Variants in LIMD1 observed in about 807,000 individuals in gnomAD.
LIMD1 encodes LIM domain containing 1.
In LIMD1, 23 loss-of-function variants were observed where a neutral mutation model predicts 58.4. The ratio of observed to expected loss-of-function variants is 0.39; its 90% confidence interval spans 0.28 to 0.56. The LOEUF (loss-of-function observed/expected upper bound fraction) is 0.56, where lower values mean the gene tolerates loss of function less well. Ranked by LOEUF, LIMD1 falls within the 20% of genes least tolerant of loss-of-function variation. The pLI is 0.57. For missense variants in LIMD1, 838 were observed against 855.5 expected (o/e 0.98, Z 0.25); for synonymous variants, 334 against 345.5 (o/e 0.97, Z 0.37).
chr3:45,678,478 T>G lies in LIMD1; in HGVS notation c.*1419T>G, dbSNP rs910583910. ...GAGGGAGGGCCACACACTGGCAAGATTTCAAGACCACTCTCTGCACTGAAG... is the reference window on the plus strand; with the variant it reads ...GAGGGAGGGCCACACACTGGCAAGAGTTCAAGACCACTCTCTGCACTGAAG... On this transcript the variant is annotated 3_prime_UTR_variant, in exon 8 of 8. Transcript: ENST00000273317. 2.6e-5 allele frequency: 4 copies of G among 152,406 alleles called. No homozygotes were observed. The highest frequency in any genetic ancestry group is 5.9e-5 in the Non-Finnish European group (4 of 68,094). The allele number at this position is 152,406 out of a possible 1,614,324, so 9.4% of individuals were successfully genotyped here.
chr3:45,601,647 C>A (rs1196070987), intron 1 of LIMD1, among the ~76,000 whole-genome samples: 1 of 152,190 alleles, frequency 6.6e-6, no homozygotes, highest in Non-Finnish European at 1.5e-5. Flanking sequence ...TGGCATTTAA[C>A]CTGCACACTT....
chr3:45,612,070 G>GCTCTCT (rs112847908), intron 1 of LIMD1, among the ~76,000 whole-genome samples: 4,402 of 144,848 alleles, frequency 0.03, 196 homozygotes, highest in African/African-American at 0.096. Flanking sequence ...GCAGGTGCGC[G>GCTCTCT]CTCTCTCTCT....
At chr3:45,599,169 T>C (rs1701385857) in intron 1 of LIMD1, among the ~76,000 whole-genome samples, 1 of 152,040 alleles carries the variant, frequency 6.6e-6, no homozygotes, top group African/African-American at 2.4e-5. Flanking sequence ...TGAGATGAAA[T>C]TCACATAATG....
At chr3:45,607,826 A>G (rs2624673) in intron 1 of LIMD1, among the ~76,000 whole-genome samples, 92,892 of 152,050 alleles carry the variant, frequency 0.61, 28,761 homozygotes, top group Non-Finnish European at 0.67. Context: ...CAATAACAGC[A>G]GCTTCCCTGT....
chr3:45,631,741 G>A (rs1279146516), intron 1 of LIMD1, among the ~76,000 whole-genome samples: 1 of 152,178 alleles, frequency 6.6e-6, no homozygotes, highest in African/African-American at 2.4e-5. Context: ...GAAGTCCAGT[G>A]GGGCACTGGC....
In LIMD1 at chr3:45,683,654, C is replaced by T. The variant is rs911767491; in HGVS notation, c.*6595C>T. On this transcript the variant is annotated 3_prime_UTR_variant, in exon 8 of 8. Transcript: ENST00000273317. ...TCAAACTGATCATGGACCTCTGCTT[C>T]ATTTACATAGGGTGTACACCAAGTA... 2 of 152,230 alleles carry T rather than the reference C, an allele frequency of 1.3e-5. No individual in the cohort carries two copies. The highest frequency in any genetic ancestry group is 4.8e-5 in the African/African-American group (2 of 41,448). The allele number at this position is 152,230 out of a possible 1,614,324, so 9.4% of individuals were successfully genotyped here.
rs542666879 is a variant in LIMD1 at position 45,595,050 on chromosome 3, C to T, written c.171C>T (p.Leu57=). Residue 57 remains leucine, a synonymous_variant, in exon 1 of 8, where the codon CTC becomes CTT. Coordinates refer to ENST00000273317, the MANE Select transcript of LIMD1 (RefSeq NM_014240.3). The stretch of plus-strand genomic sequence containing the variant: ...CCACCAAGATGGCCAAAATCCACCT[C>T]CAGCAGCAGCAGCAGCAGCTCCTGC... ...VFATKMAKIH[L]QQQQQQLLQE... is the part of the protein sequence containing the mutation. 2.4e-5 allele frequency: 38 copies of T among 1,613,484 alleles called. No individual in the cohort carries two copies. In the East Asian group the frequency reaches 7.6e-4, roughly 32 times the overall value.
intron 1 of LIMD1, among the ~76,000 whole-genome samples, chr3:45,608,152 G>T (rs977512545): frequency 1.3e-5 from 2 of 152,208 alleles, no homozygotes; most frequent in African/African-American, 4.8e-5. Flanking sequence ...GCCTGATTGT[G>T]CTGCTTTCTG....
At position 45,684,611 on chromosome 3, in the gene LIMD1, A is replaced by AG. The variant is rs1465890103; in HGVS notation, c.*7557dup. On this transcript the variant is annotated 3_prime_UTR_variant, in exon 8 of 8. Transcript: ENST00000273317. ...CGGGAAGCAGACTGATATATAGAGG[A>AG]GGGGGTTTGAAGAGGTGGTATTTGA... 2.6e-5 allele frequency: 4 copies of AG among 152,018 alleles called. No homozygotes were observed. The highest frequency in any genetic ancestry group is 4.8e-5 in the African/African-American group (2 of 41,362). 9.4% of individuals were successfully genotyped at this position (152,018 alleles called of 1,614,324 possible). A position where few individuals can be genotyped will look rare whatever the true frequency, so the allele number is the denominator to read the frequency against.
In LIMD1 at chr3:45,595,098, G is replaced by C. The variant is rs377570801; in HGVS notation, c.219G>C (p.Gly73=). Residue 73 remains glycine, a synonymous_variant, in exon 1 of 8, where the codon GGG becomes GGC. Transcript: ENST00000273317. ...QLLQEETLPR[G]SRGPVNGGGR... is the part of the protein sequence containing the mutation. ...TGCAGGAGGAGACTCTGCCCAGGGG[G>C]AGTAGAGGCCCTGTCAATGGAGGGG... 2 of 1,612,610 alleles carry C rather than the reference G, an allele frequency of 1.2e-6. No individual in the cohort carries two copies. The highest frequency in any genetic ancestry group is 2.2e-5 in the East Asian group (1 of 44,864).
intron 1 of LIMD1, among the ~76,000 whole-genome samples, chr3:45,625,186 T>C (rs546799246): frequency 6.6e-6 from 1 of 152,248 alleles, no homozygotes; most frequent in East Asian, 1.9e-4. Context: ...ATGTGTGTTA[T>C]ATATAGTTGA....
chr3:45,594,778 A>ACACACACAC lies in LIMD1; in HGVS notation c.-102_-101insCACACACAC, dbSNP rs1701312654. Reference sequence around the variant, plus strand: ...TCGCCAGCATCTCCCCGCTGCCCTCAACACACACACACACACACACACACA... The same window carrying ACACACACAC: ...TCGCCAGCATCTCCCCGCTGCCCTCACACACACACACACACACACACACACACACACACA... On this transcript the variant is annotated 5_prime_UTR_variant, in exon 1 of 8. Coordinates refer to ENST00000273317, the MANE Select transcript of LIMD1 (RefSeq NM_014240.3). 1 of 692,932 alleles carries ACACACACAC rather than the reference A, an allele frequency of 1.4e-6. No individual in the cohort carries two copies. The highest frequency in any genetic ancestry group is 2.2e-6 in the Non-Finnish European group (1 of 457,206). 42.9% of individuals were successfully genotyped at this position (692,932 alleles called of 1,614,324 possible). A position where few individuals can be genotyped will look rare whatever the true frequency, so the allele number is the denominator to read the frequency against.
chr3:45,595,756 A>G lies in LIMD1; in HGVS notation c.877A>G (p.Arg293Gly). 4 of 1,614,122 alleles carry G rather than the reference A, an allele frequency of 2.5e-6. No individual in the cohort carries two copies. The highest frequency in any genetic ancestry group is 3.4e-6 in the Non-Finnish European group (4 of 1,180,024). Reference protein sequence around the residue: ...GAPAVGPVQPRTPSVSAPLAL... With the variant: ...GAPAVGPVQPGTPSVSAPLAL... ...ACCAGCTGTGGGGCCTGTTCAGCCC[A>G]GGACCCCTTCTGTGTCAGCACCCTT... Residue 293 changes from arginine to glycine, a missense_variant, in exon 1 of 8, where the codon AGG (arginine) becomes GGG (glycine). By Grantham distance (125) the Arg-to-Gly change is moderately radical. This residue lies in a region of LIMD1 where 659 missense variants were observed against 639.8 expected (regional missense o/e 1.03). Transcript: ENST00000273317.
chr3:45,629,666 G>A (rs1239223323), intron 1 of LIMD1, among the ~76,000 whole-genome samples: 3 of 152,160 alleles, frequency 2.0e-5, no homozygotes, highest in African/African-American at 7.2e-5. Flanking sequence ...GCTGCTGGAC[G>A]GCGAGAGGAA....
chr3:45,643,484 CA>C (rs571819225), intron 2 of LIMD1, among the ~76,000 whole-genome samples: 5,010 of 121,246 alleles, frequency 0.041, 99 homozygotes, highest in Middle Eastern at 0.07. Flanking sequence ...GACTCTGTCT[CA>C]AAAAAAAAAA....
rs199994716 is a variant in LIMD1, at chr3:45,636,237, C to G, written c.1496C>G (p.Thr499Ser). The change falls in exon 2 of 8, where the codon ACC becomes AGC. Residue 499 changes from threonine (T) to serine (S), a missense_variant. Physicochemically the swap from Thr to Ser is moderately conservative, Grantham distance 58 (BLOSUM62 1). Around this residue, in one of 3 missense-constraint regions of LIMD1, gnomAD observed 659 missense variants for 639.8 expected, o/e 1.03. Coordinates refer to ENST00000273317, the MANE Select transcript of LIMD1 (RefSeq NM_014240.3). ...AACCTCTACCATGACACATGCTTCA[C>G]CTGTGCAGCTTGCAGTAAGTGTGGG... ...MGNLYHDTCF[T>S]CAACSRKLRG... The G allele has an allele frequency of 2.0e-5, 33 of 1,610,186 alleles. No individual in the cohort carries two copies. Among genetic ancestry groups the G allele is most frequent in the Non-Finnish European group, 2.6e-5 (31 of 1,178,142 alleles).
intron 1 of LIMD1, among the ~76,000 whole-genome samples, chr3:45,605,384 T>G (rs1169936843): frequency 6.6e-6 from 1 of 152,260 alleles, no homozygotes; most frequent in Non-Finnish European, 1.5e-5. Flanking sequence ...TAAGTGGTAA[T>G]CATTTTTACT....
At chr3:45,639,972 G>A (rs1020816537) in intron 2 of LIMD1, among the ~76,000 whole-genome samples, 4 of 152,200 alleles carry the variant, frequency 2.6e-5, no homozygotes, top group African/African-American at 9.6e-5. Context: ...CAGAGGTTAG[G>A]ATTTTAACAT....
chr3:45,640,099 T>C (rs1331502823), intron 2 of LIMD1, among the ~76,000 whole-genome samples: 1 of 152,262 alleles, frequency 6.6e-6, no homozygotes, highest in African/African-American at 2.4e-5. Flanking sequence ...TTTCTTCAAA[T>C]TGTGACAAGC....
Sources: gnomAD v4.1 joint callset for allele counts (sites outside exome capture counted in the v4.1 genomes callset) on GRCh38, gnomAD v4.1.1 for gene constraint, gnomAD v4.1.1 regional missense constraint, MANE v1.5 for transcripts, NCBI Gene and HGNC (gene_info 2026-07-23, HGNC 2026-07-21) for gene names.